MS4A2: variants seen among roughly 807,000 people sequenced by gnomAD.
MS4A2 encodes high affinity immunoglobulin epsilon receptor subunit beta.
A neutral mutation model predicts 27.9 loss-of-function variants in MS4A2; 26 were observed. That is an observed-to-expected ratio of 0.93 (90% confidence interval 0.68 to 1.29). The LOEUF is 1.29. Ranked by LOEUF, MS4A2 falls within the 50% of genes most tolerant of loss-of-function variation. The pLI is 0.00. For missense variants in MS4A2, 284 were observed against 284.6 expected, an observed-to-expected ratio of 1.00 and a Z score of 0.01; for synonymous variants, 110 against 98.8, an observed-to-expected ratio of 1.11 and a Z score of -0.67.
intron 5 of MS4A2, 100 bp downstream of exon 5, chr11:60,093,658 C>T (rs1474768480): frequency 3.4e-6 from 5 of 1,461,982 alleles, no homozygotes; most frequent in Non-Finnish European, 4.8e-6. Flanking sequence ...TTTTCTGTAA[C>T]TTCTATTACA....
rs1565075517 is a variant in MS4A2 at position 60,093,723 on chromosome 11, C to T, written c.537+165C>T. ...CCCAGGGAGATGCTGGCTGCCCACT[C>T]CCCTCAACCCAGGCAAATTCCTCGG... is the stretch of plus-strand genomic sequence containing the variant. On this transcript the variant is annotated intron_variant, in intron 5 of 6. Transcript: ENST00000278888. The T allele has an allele frequency of 3.8e-6, 4 of 1,048,498 alleles. No homozygotes were observed. In the East Asian group the frequency reaches 7.7e-5, roughly 20 times the overall value. 64.9% of individuals were successfully genotyped at this position (1,048,498 alleles called of 1,614,324 possible).
At chr11:60,095,469 C>A in intron 6 of MS4A2, 89 bp from the exon 7 acceptor site, 2 of 828,052 alleles carry the variant, frequency 2.4e-6, no homozygotes, top group Non-Finnish European at 4.2e-6. Context: ...CCCAGAAAGA[C>A]AAAAGTAGAT....
Position 60,093,445 on chromosome 11 carries a change from G to A in MS4A2, c.424G>A (p.Gly142Arg), listed in dbSNP as rs1565075303. The A allele has an allele frequency of 1.2e-6, 2 of 1,614,170 alleles. No individual in the cohort carries two copies. Among genetic ancestry groups the A allele is most frequent in the Admixed American group, 1.7e-5 (1 of 60,024 alleles). Residue 142 changes from glycine (G) to arginine (R), a missense_variant, in exon 5 of 7, where the codon GGA (glycine) becomes AGA (arginine). Physicochemically the swap from Gly to Arg is moderately radical, Grantham distance 125. Transcript: ENST00000278888. ...AAACACTGCCAGCAGCATAGCTGGG[G>A]GAACGGGAATTACCATCCTGATCAT... is the stretch of plus-strand genomic sequence containing the variant. ...GANTASSIAGGTGITILIINL... is the reference protein window; with the variant it reads ...GANTASSIAGRTGITILIINL...
At position 60,089,816 on chromosome 11, in the gene MS4A2, C is replaced by T; in HGVS notation, c.181C>T (p.Leu61=). Residue 61 remains leucine (L), a synonymous_variant, in exon 2 of 7, where the codon CTG becomes TTG. Transcript: ENST00000278888. ...LTVLKKEQEF[L]GVTQILTAMI... ...AGTTTTGAAAAAAGAGCAGGAGTTCCTGGGGGTGAGTGAGCCTCCTCCAAC... is the reference window on the plus strand; with the variant it reads ...AGTTTTGAAAAAAGAGCAGGAGTTCTTGGGGGTGAGTGAGCCTCCTCCAAC... 1 of 1,614,028 alleles carries T rather than the reference C, an allele frequency of 6.2e-7. No individual in the cohort carries two copies. Among genetic ancestry groups the T allele is most frequent in the Admixed American group, 1.7e-5 (1 of 60,026 alleles).
rs1396327043 is a variant in MS4A2, at chr11:60,097,428, T to A, written c.*1772T>A. On this transcript the variant is annotated 3_prime_UTR_variant, in exon 7 of 7. Coordinates refer to ENST00000278888, the MANE Select transcript of MS4A2 (RefSeq NM_000139.5). ...AATAGTGAATGAATGCAAAAGGTGCTGAGAAATTCCACACATGAGTATTGT... is the reference window on the plus strand; with the variant it reads ...AATAGTGAATGAATGCAAAAGGTGCAGAGAAATTCCACACATGAGTATTGT... 6.6e-6 allele frequency: 1 copy of A among 152,216 alleles called. No individual in the cohort carries two copies. Among genetic ancestry groups the A allele is most frequent in the Non-Finnish European group, 1.5e-5 (1 of 68,038 alleles). The allele number at this position is 152,216 out of a possible 1,614,324, so 9.4% of individuals were successfully genotyped here.
chr11:60,095,497 C>T lies in MS4A2; in HGVS notation c.637-61C>T, dbSNP rs927641672. 1.7e-5 allele frequency: 18 copies of T among 1,048,932 alleles called. No homozygotes were observed. The Middle Eastern group carries it at 6.2e-4, about 36-fold the overall frequency. The allele number at this position is 1,048,932 out of a possible 1,614,324, so 65.0% of individuals were successfully genotyped here. A position where few individuals can be genotyped will look rare whatever the true frequency, so the allele number is the denominator to read the frequency against. On this transcript the variant is annotated intron_variant, in intron 6 of 6. Coordinates refer to ENST00000278888, the MANE Select transcript of MS4A2 (RefSeq NM_000139.5). ...AAGTAGATGAGGTAAGTCTCTTGAGCGAGACTTCTAGGGATGGGAAATTTG... is the reference window on the plus strand; with the variant it reads ...AAGTAGATGAGGTAAGTCTCTTGAGTGAGACTTCTAGGGATGGGAAATTTG...
rs1714137432 is a variant in MS4A2, at chr11:60,097,928, A to C, written c.*2272A>C. 6.6e-6 allele frequency: 1 copy of C among 152,216 alleles called. No homozygotes were observed. Among genetic ancestry groups the C allele is most frequent in the Admixed American group, 6.5e-5 (1 of 15,286 alleles). 9.4% of individuals were successfully genotyped at this position (152,216 alleles called of 1,614,324 possible). ...TTCACTGTGTATCATGCTAAGCTGC[A>C]TCTCTACTCTTGATCATCTGTAGGT... On this transcript the variant is annotated 3_prime_UTR_variant, in exon 7 of 7. Coordinates refer to ENST00000278888, the MANE Select transcript of MS4A2 (RefSeq NM_000139.5).
intron 2 of MS4A2, among the ~76,000 whole-genome samples, chr11:60,090,119 C>A (rs1003597635): frequency 2.0e-5 from 3 of 152,106 alleles, no homozygotes; most frequent in Non-Finnish European, 4.4e-5. Flanking sequence ...TACATAAAGG[C>A]GCATGGAGAA....
Position 60,094,059 on chromosome 11 carries a change from C to A in MS4A2, c.633C>A (p.Asn211Lys), listed in dbSNP as rs535630. 2,815 of 1,606,552 alleles carry A rather than the reference C, an allele frequency of 1.8e-3. 38 individuals are homozygous for A. In the African/African-American group the frequency reaches 0.029, roughly 16 times the overall value. Reference sequence around the variant, plus strand: ...GAGCTGGGGAAGAACTCAAAGGAAACAAGGTAGATAGAAGCCCGATATAAA... The same window carrying A: ...GAGCTGGGGAAGAACTCAAAGGAAAAAAGGTAGATAGAAGCCCGATATAAA... Reference protein sequence around the residue: ...ICGAGEELKGNKVPEDRVYEE... With the variant: ...ICGAGEELKGKKVPEDRVYEE... The change falls in exon 6 of 7, where the codon AAC becomes AAA. Residue 211 changes from asparagine (N) to lysine (K), a missense_variant. Coordinates refer to ENST00000278888, the MANE Select transcript of MS4A2 (RefSeq NM_000139.5).
In MS4A2 at chr11:60,093,449, C is replaced by T. The variant is rs35033981; in HGVS notation, c.428C>T (p.Thr143Met). Residue 143 changes from threonine (T) to methionine (M), a missense_variant, in exon 5 of 7, where the codon ACG (threonine) becomes ATG (methionine). Physicochemically the swap from Thr to Met is moderately conservative, Grantham distance 81. Transcript: ENST00000278888. ...ACTGCCAGCAGCATAGCTGGGGGAACGGGAATTACCATCCTGATCATCAAC... is the reference window on the plus strand; with the variant it reads ...ACTGCCAGCAGCATAGCTGGGGGAATGGGAATTACCATCCTGATCATCAAC... The part of the protein sequence containing the change: ...ANTASSIAGG[T>M]GITILIINLK... The T allele has an allele frequency of 2.9e-3, 4,610 of 1,614,104 alleles. 113 individuals carry two copies. In the African/African-American group the frequency reaches 0.05, roughly 18 times the overall value.
intron 4 of MS4A2, 75 bp downstream of exon 4, chr11:60,092,923 A>G: frequency 7.1e-7 from 1 of 1,400,844 alleles, no homozygotes; most frequent in Non-Finnish European, 1.0e-6. Context: ...CTTAAGGGAA[A>G]CACATCTTTG....
Position 60,098,397 on chromosome 11 carries a change from T to A in MS4A2, c.*2741T>A, listed in dbSNP as rs973139679. The A allele has an allele frequency of 6.6e-6, 1 of 152,264 alleles. No homozygotes were observed. The highest frequency in any genetic ancestry group is 2.4e-5 in the African/African-American group (1 of 41,464). 9.4% of individuals were successfully genotyped at this position (152,264 alleles called of 1,614,324 possible). The stretch of plus-strand genomic sequence containing the variant: ...GCAGTATTGTATCATTAATTATTAG[T>A]GTGCTTGTGACCTCCTTATGTATTC... On this transcript the variant is annotated 3_prime_UTR_variant, in exon 7 of 7. Transcript: ENST00000278888.
At chr11:60,091,812 A>G (rs1677045754) in intron 3 of MS4A2, among the ~76,000 whole-genome samples, 1 of 152,194 alleles carries the variant, frequency 6.6e-6, no homozygotes, top group Non-Finnish European at 1.5e-5. Context: ...TACCTCTGTT[A>G]TAATTGAAAC....
intron 6 of MS4A2, among the ~76,000 whole-genome samples, chr11:60,095,346 C>T (rs1411903410): frequency 6.6e-6 from 1 of 152,296 alleles, no homozygotes; most frequent in South Asian, 2.1e-4. Context: ...AATAACCTCA[C>T]CAACTTGTCA....
At chr11:60,095,217 G>A (rs1208800103) in intron 6 of MS4A2, among the ~76,000 whole-genome samples, 4 of 152,000 alleles carry the variant, frequency 2.6e-5, no homozygotes, top group Admixed American at 1.3e-4. Context: ...AGCCAAGATC[G>A]TGGCCACTGC....
chr11:60,088,461 C>T, upstream of MS4A2: 1 of 358,030 alleles, frequency 2.8e-6, no homozygotes. Flanking sequence ...GTCTCATTTT[C>T]AGGTTCTGTA....
Position 60,093,975 on chromosome 11 carries a change from G to C in MS4A2, c.549G>C (p.Val183=), listed in dbSNP as rs746998241. ...FMASFSTEIV[V]MMLFLTILGL... Reference sequence around the variant, plus strand: ...TTGCTGTTCAATAGGAAATTGTAGTGATGATGCTGTTTCTCACCATTCTGG... The same window carrying C: ...TTGCTGTTCAATAGGAAATTGTAGTCATGATGCTGTTTCTCACCATTCTGG... The change falls in exon 6 of 7, where the codon GTG becomes GTC. Residue 183 remains valine (V), a synonymous_variant. Coordinates refer to ENST00000278888, the MANE Select transcript of MS4A2 (RefSeq NM_000139.5). 1.2e-6 allele frequency: 2 copies of C among 1,613,124 alleles called. No individual in the cohort carries two copies. The highest frequency in any genetic ancestry group is 3.3e-5 in the Admixed American group (2 of 60,020).
At chr11:60,088,330 A>G (rs185097337), upstream of MS4A2, 12 of 199,982 alleles carry the variant, frequency 6.0e-5, no homozygotes, top group Non-Finnish European at 9.2e-5. Flanking sequence ...CAAAGGTGCA[A>G]TTGGATAACT....
intron 5 of MS4A2, 162 bp downstream of exon 5, chr11:60,093,720 A>C (rs1855813719): frequency 1.9e-6 from 2 of 1,055,318 alleles, no homozygotes; most frequent in Admixed American, 2.0e-5. Context: ...CTGGCTGCCC[A>C]CTCCCCTCAA....
Sources: allele counts gnomAD v4.1 joint callset (sites outside exome capture counted in the v4.1 genomes callset), GRCh38; gene constraint gnomAD v4.1.1; transcripts MANE v1.5; gene names NCBI Gene and HGNC (gene_info 2026-07-23, HGNC 2026-07-21).